CLEC16A: variants seen among roughly 807,000 people sequenced by gnomAD.
CLEC16A encodes C-type lectin domain containing 16A, also known as protein CLEC16A.
A neutral mutation model predicts 109.5 loss-of-function variants in CLEC16A; 51 were observed. The observed-to-expected ratio is 0.47, with a 90% CI of 0.37 to 0.59. The LOEUF (loss-of-function observed/expected upper bound fraction) is 0.59, where lower values mean the gene tolerates loss of function less well. Ranked by LOEUF, CLEC16A falls within the 20% of genes least tolerant of loss-of-function variation. The pLI is 0.00. For synonymous variants in CLEC16A, 673 were observed against 564.2 expected (o/e 1.19, Z -2.73); for missense variants, 1,339 against 1,394.0 (o/e 0.96, Z 0.63).
chr16:10,956,795 T>TATTC (rs2042010947), intron 1 of CLEC16A, among the ~76,000 whole-genome samples: 1 of 130,776 alleles, frequency 7.6e-6, no homozygotes, highest in Non-Finnish European at 1.9e-5. Flanking sequence ...CTGCAGCCCT[T>TATTC]ATTTATTTAT....
intron 14 of CLEC16A, chr16:11,040,135 T>G (rs1386661126): frequency 2.3e-6 from 1 of 441,458 alleles, no homozygotes; most frequent in Non-Finnish European, 4.0e-6. Flanking sequence ...ACCCCGCCCT[T>G]CTTTTGCTGA....
chr16:11,034,389 C>T (rs16957952), intron 13 of CLEC16A, among the ~76,000 whole-genome samples: 2,501 of 152,230 alleles, frequency 0.016, 61 homozygotes, highest in African/African-American at 0.057. Flanking sequence ...CCAGATCTGT[C>T]TAATTATTCT....
At chr16:11,175,732 G>T (rs2141031862) in intron 23 of CLEC16A, among the ~76,000 whole-genome samples, 1 of 152,314 alleles carries the variant, frequency 6.6e-6, no homozygotes. Context: ...TCCTGAAGAA[G>T]AAATCAGTTC....
intron 7 of CLEC16A, among the ~76,000 whole-genome samples, chr16:10,973,868 C>G (rs533374629): frequency 1.4e-5 from 2 of 138,542 alleles, no homozygotes; most frequent in East Asian, 4.3e-4. Flanking sequence ...ATACATCCGG[C>G]CAAGTAAGGG....
At chr16:11,043,883 G>GAAA in intron 15 of CLEC16A, 145 bp from the exon 16 acceptor site, 12 of 450,050 alleles carry the variant, frequency 2.7e-5, no homozygotes, top group South Asian at 4.7e-5. Context: ...CAAGAAAAGG[G>GAAA]AAAAAAAAAA....
intron 10 of CLEC16A, among the ~76,000 whole-genome samples, chr16:10,990,232 C>G (rs1208810156): frequency 6.6e-6 from 1 of 152,180 alleles, no homozygotes; most frequent in African/African-American, 2.4e-5. Context: ...TCCCCTAATC[C>G]CTCACTGCAG....
intron 18 of CLEC16A, among the ~76,000 whole-genome samples, chr16:11,052,863 C>T (rs1308026655): frequency 6.6e-6 from 1 of 151,180 alleles, no homozygotes; most frequent in African/African-American, 2.4e-5. Flanking sequence ...AGCACTGCTG[C>T]TCTGGATTCC....
At chr16:10,962,644 G>T (rs1310709254) in intron 3 of CLEC16A, 56 bp downstream of exon 3, 1 of 1,590,846 alleles carries the variant, frequency 6.3e-7, no homozygotes, top group Non-Finnish European at 8.6e-7. Flanking sequence ...GCAGGGTGAA[G>T]TTGGGCGTGG....
chr16:11,015,826 T>C (rs1180887008), intron 11 of CLEC16A, among the ~76,000 whole-genome samples: 1 of 152,216 alleles, frequency 6.6e-6, no homozygotes, highest in Admixed American at 6.5e-5. Flanking sequence ...GAGTTCCCAC[T>C]GTGTCAACCA....
chr16:11,153,793 A>G (rs1391924158), intron 22 of CLEC16A, among the ~76,000 whole-genome samples: 1 of 152,196 alleles, frequency 6.6e-6, no homozygotes, highest in Non-Finnish European at 1.5e-5. Flanking sequence ...ATAATACTAA[A>G]AAAATAAGTC....
intron 11 of CLEC16A, 99 bp from the exon 12 acceptor site, chr16:11,020,094 G>C: frequency 7.2e-7 from 1 of 1,384,414 alleles, no homozygotes; most frequent in Non-Finnish European, 9.7e-7. Context: ...GATGTGTTTG[G>C]AGTCATTTAT....
chr16:11,057,806 G>A (rs946862671), intron 18 of CLEC16A, among the ~76,000 whole-genome samples: 17 of 152,230 alleles, frequency 1.1e-4, no homozygotes, highest in African/African-American at 4.1e-4. Flanking sequence ...GTGGTTGGAA[G>A]AACACAGAGC....
Position 11,176,641 on chromosome 16 carries a change from A to G in CLEC16A, c.2807-1694A>G, listed in dbSNP as rs566481138. ...TAGTCCCAGCTACTCAGGAGGCCGA[A>G]GCAGGAGGATCACTTGAGTCCAGAA... On this transcript the variant is annotated intron_variant, in intron 23 of 23. Coordinates refer to ENST00000409790, the MANE Select transcript of CLEC16A (RefSeq NM_015226.3). Among the ~76,000 whole-genome samples, 3 of 152,294 alleles carry G rather than the reference A, an allele frequency of 2.0e-5. No homozygotes were observed. The South Asian group carries it at 6.2e-4, about 32-fold the overall frequency.
At chr16:11,133,167 C>T (rs1285157591) in intron 22 of CLEC16A, among the ~76,000 whole-genome samples, 3 of 152,034 alleles carry the variant, frequency 2.0e-5, no homozygotes, top group African/African-American at 7.2e-5. Context: ...GGCGAAACCT[C>T]GTCTCTACTA....
At chr16:10,986,485 C>CTA (rs2043664268) in intron 10 of CLEC16A, among the ~76,000 whole-genome samples, 1 of 152,188 alleles carries the variant, frequency 6.6e-6, no homozygotes, top group Admixed American at 6.5e-5. Flanking sequence ...GTACAATGTG[C>CTA]TATCCATTGC....
At chr16:11,063,440 G>C (rs1320501332) in intron 19 of CLEC16A, among the ~76,000 whole-genome samples, 1 of 152,008 alleles carries the variant, frequency 6.6e-6, no homozygotes, top group Non-Finnish European at 1.5e-5. Flanking sequence ...CTTGCTGCAT[G>C]ACTGGAAGCT....
rs567426481 is a variant in CLEC16A at position 10,964,912 on chromosome 16, A to G, written c.343+2324A>G. Among the ~76,000 whole-genome samples the G allele has an allele frequency of 3.7e-4, 57 of 152,286 alleles. No individual in the cohort carries two copies. The South Asian group carries it at 9.9e-3, about 27-fold the overall frequency. On this transcript the variant is annotated intron_variant, in intron 3 of 23. Coordinates refer to ENST00000409790, the MANE Select transcript of CLEC16A (RefSeq NM_015226.3). Reference sequence around the variant, plus strand: ...TGTGTGCACCTTGGGTGATGAAAATATGCAGTAGATCTGTTAGCAGATTTC... The same window carrying G: ...TGTGTGCACCTTGGGTGATGAAAATGTGCAGTAGATCTGTTAGCAGATTTC...
intron 23 of CLEC16A, among the ~76,000 whole-genome samples, chr16:11,168,122 C>T (rs1002038065): frequency 2.6e-5 from 4 of 152,192 alleles, no homozygotes; most frequent in Non-Finnish European, 5.9e-5. Context: ...CAAAGACCCA[C>T]AGTATCAAAA....
chr16:11,010,872 C>T (rs1205342116), intron 11 of CLEC16A, among the ~76,000 whole-genome samples: 3 of 152,172 alleles, frequency 2.0e-5, no homozygotes, highest in Non-Finnish European at 2.9e-5. Context: ...ACAGAACCTC[C>T]TCCTTTTTTT....
Sources: gnomAD v4.1 joint callset for allele counts (sites outside exome capture counted in the v4.1 genomes callset) on GRCh38, gnomAD v4.1.1 for gene constraint, MANE v1.5 for transcripts, NCBI Gene and HGNC (gene_info 2026-07-23, HGNC 2026-07-21) for gene names.